GFRA1: variants seen among roughly 807,000 people sequenced by gnomAD.
GFRA1 encodes GDNF family receptor alpha 1.
GFRA1 carries 16 observed loss-of-function variants against 51.6 expected under a neutral mutation model. That is an observed-to-expected ratio of 0.31 (90% confidence interval 0.21 to 0.47). The LOEUF is 0.47. Ranked by LOEUF, GFRA1 falls within the 20% of genes least tolerant of loss-of-function variation. The pLI, the probability that GFRA1 is intolerant of heterozygous loss-of-function variation, is 1.00. For synonymous variants in GFRA1, 270 were observed against 241.3 expected (o/e 1.12, Z -1.10); for missense variants, 530 against 594.3 (o/e 0.89, Z 1.13).
In GFRA1 at chr10:116,270,982, G is replaced by A; in HGVS notation, c.174C>T (p.Thr58=). Residue 58 remains threonine (T), a synonymous_variant, in exon 3 of 11, where the codon ACC becomes ACT. Coordinates refer to ENST00000355422, the MANE Select transcript of GFRA1 (RefSeq NM_005264.8). ...TLRQCVAGKE[T]NFSLASGLEA... is the part of the protein sequence containing the mutation. ...CCAGGCCGGATGCCAGGCTGAAGTT[G>A]GTCTCCTTGCCCGCCACGCACTGCC... 6.2e-7 allele frequency: 1 copy of A among 1,614,238 alleles called. No individual in the cohort carries two copies. Among genetic ancestry groups the A allele is most frequent in the Non-Finnish European group, 8.5e-7 (1 of 1,180,052 alleles).
At chr10:116,232,741 T>C (rs567377539) in intron 4 of GFRA1, among the ~76,000 whole-genome samples, 14 of 152,326 alleles carry the variant, frequency 9.2e-5, no homozygotes, top group African/African-American at 3.4e-4. Flanking sequence ...AGAATTGTTA[T>C]GTGATAACCT....
chr10:116,211,676 G>A (rs1330397553), intron 4 of GFRA1, 31 bp from the exon 5 acceptor site: 1 of 1,535,726 alleles, frequency 6.5e-7, no homozygotes, highest in South Asian at 1.2e-5. Flanking sequence ...TAGGGGAGGG[G>A]AGAGGGGAGA....
intron 4 of GFRA1, among the ~76,000 whole-genome samples, chr10:116,215,517 T>C (rs1965501057): frequency 6.6e-6 from 1 of 152,218 alleles, no homozygotes; most frequent in South Asian, 2.1e-4. Context: ...TGAATTTCCT[T>C]GTTGAAAACC....
At chr10:116,099,613 C>A (rs984736956) in intron 6 of GFRA1, among the ~76,000 whole-genome samples, 4 of 152,202 alleles carry the variant, frequency 2.6e-5, no homozygotes, top group Admixed American at 2.6e-4. Flanking sequence ...CCTCTAACAT[C>A]TCCTAAATTA....
intron 4 of GFRA1, among the ~76,000 whole-genome samples, chr10:116,232,092 T>C (rs1212709544): frequency 8.5e-5 from 13 of 152,360 alleles, no homozygotes; most frequent in East Asian, 1.9e-4. Flanking sequence ...AAAAATCTGA[T>C]AATTCAGACT....
intron 9 of GFRA1, among the ~76,000 whole-genome samples, chr10:116,076,032 C>T (rs755975792): frequency 2.0e-5 from 3 of 151,960 alleles, no homozygotes; most frequent in Non-Finnish European, 4.4e-5. Context: ...GCGTGACCAC[C>T]GTGCCCGGCC....
intron 10 of GFRA1, 82 bp downstream of exon 10, chr10:116,065,491 G>A (rs1955060452): frequency 5.5e-6 from 6 of 1,100,120 alleles, no homozygotes; most frequent in Non-Finnish European, 6.9e-6. Context: ...GTCTTTGAAT[G>A]CTTTATATGA....
intron 9 of GFRA1, among the ~76,000 whole-genome samples, chr10:116,066,929 C>T (rs1329133663): frequency 5.3e-5 from 8 of 152,208 alleles, no homozygotes; most frequent in African/African-American, 1.7e-4. Context: ...CTGGAAGACA[C>T]GCTAAGCTAA....
intron 9 of GFRA1, among the ~76,000 whole-genome samples, chr10:116,078,457 A>G (rs1038102740): frequency 6.6e-6 from 1 of 152,144 alleles, no homozygotes; most frequent in Non-Finnish European, 1.5e-5. Flanking sequence ...GGTTCACCAC[A>G]CAGGGCCTGG....
At chr10:116,087,647 G>A (rs553480453) in intron 9 of GFRA1, among the ~76,000 whole-genome samples, 8 of 152,244 alleles carry the variant, frequency 5.3e-5, no homozygotes, top group Admixed American at 4.6e-4. Flanking sequence ...CTGGCTTCCC[G>A]TGATCACCTT....
Position 116,272,089 on chromosome 10 carries a change from T to G in GFRA1, c.-60A>C. The G allele has an allele frequency of 7.2e-7, 1 of 1,395,740 alleles. No homozygotes were observed. The highest frequency in any genetic ancestry group is 9.9e-7 in the Non-Finnish European group (1 of 1,007,414). 86.5% of individuals were successfully genotyped at this position (1,395,740 alleles called of 1,614,324 possible). On this transcript the variant is annotated 5_prime_UTR_variant, in exon 2 of 11. Coordinates refer to ENST00000355422, the MANE Select transcript of GFRA1 (RefSeq NM_005264.8). The surrounding 1 kb of genome is among the most constrained non-coding windows in gnomAD (Gnocchi z 4.4). ...AAAAATCCCGAGCCGCCGCTGGGTC[T>G]TGCCGAGGGAGCTCAGCGTGCAGCG...
intron 5 of GFRA1, among the ~76,000 whole-genome samples, chr10:116,206,430 C>T (rs1282223887): frequency 6.6e-6 from 1 of 152,088 alleles, no homozygotes; most frequent in Non-Finnish European, 1.5e-5. Context: ...GCAGTGGGCC[C>T]GTCACCACAA....
intron 9 of GFRA1, among the ~76,000 whole-genome samples, chr10:116,078,791 C>T (rs114719336): frequency 0.013 from 2,036 of 152,170 alleles, 40 homozygotes; most frequent in African/African-American, 0.044. Context: ...AACCAAACAC[C>T]ACAAATAACA....
intron 4 of GFRA1, among the ~76,000 whole-genome samples, chr10:116,234,558 G>C (rs956657937): frequency 3.3e-5 from 5 of 152,204 alleles, no homozygotes; most frequent in African/African-American, 1.2e-4. Flanking sequence ...CCCTCTGGTG[G>C]ATCACTCCGT....
intron 5 of GFRA1, among the ~76,000 whole-genome samples, chr10:116,149,257 T>TA (rs1227134727): frequency 1.3e-5 from 2 of 152,152 alleles, no homozygotes; most frequent in Non-Finnish European, 2.9e-5. Context: ...AGCAGCACAA[T>TA]AAAAAATCCT....
At chr10:116,156,421 A>G (rs1289988175) in intron 5 of GFRA1, among the ~76,000 whole-genome samples, 1 of 146,642 alleles carries the variant, frequency 6.8e-6, no homozygotes, top group Non-Finnish European at 1.5e-5. Context: ...GCTTTTACAA[A>G]CCTTTCACAT....
chr10:116,192,889 T>C (rs1963399774), intron 5 of GFRA1, among the ~76,000 whole-genome samples: 1 of 152,092 alleles, frequency 6.6e-6, no homozygotes, highest in South Asian at 2.1e-4. Flanking sequence ...TGTTGGAAAG[T>C]GCATTTTCTA....
intron 5 of GFRA1, among the ~76,000 whole-genome samples, chr10:116,188,171 G>A (rs914904880): frequency 2.0e-5 from 3 of 152,132 alleles, no homozygotes. Context: ...GGTTGGGGGA[G>A]GGACCTCTCT....
intron 5 of GFRA1, among the ~76,000 whole-genome samples, chr10:116,208,787 C>G (rs1042182056): frequency 6.6e-6 from 1 of 152,178 alleles, no homozygotes; most frequent in Non-Finnish European, 1.5e-5. Context: ...TCAAATGAGG[C>G]GTGCATGTGT....
Sources: gnomAD v4.1 joint callset for allele counts (sites outside exome capture counted in the v4.1 genomes callset) on GRCh38, gnomAD v4.1.1 for gene constraint, Gnocchi (gnomAD v3.1) non-coding constraint, MANE v1.5 for transcripts, NCBI Gene and HGNC (gene_info 2026-07-23, HGNC 2026-07-21) for gene names.